Variants in EYS observed in about 807,000 individuals in gnomAD.
EYS encodes the protein protein eyes shut homolog.
In EYS, 250 loss-of-function variants were observed where a neutral mutation model predicts 282.1. The ratio of observed to expected loss-of-function variants is 0.89; its 90% CI spans 0.80 to 0.98. The LOEUF is 0.98. Ranked by LOEUF, EYS falls within the 50% of genes least tolerant of loss-of-function variation. The probability of loss-of-function intolerance (pLI) is 0.00; values close to 1 mark genes in which losing one functional copy is unlikely to be tolerated. For missense variants in EYS, 4,016 were observed against 3,709.0 expected, an observed-to-expected ratio of 1.08 and a Z score of -2.15; for synonymous variants, 1,355 against 1,282.9, an observed-to-expected ratio of 1.06 and a Z score of -1.20.
At chr6:64,239,785 T>A (rs892740747) in intron 30 of EYS, among the ~76,000 whole-genome samples, 12 of 152,314 alleles carry the variant, frequency 7.9e-5, no homozygotes, top group Non-Finnish European at 1.2e-4. Context: ...TATTTTAGCT[T>A]TTGTTGCTGT....
chr6:65,016,504 T>C (rs1163151360), intron 13 of EYS, among the ~76,000 whole-genome samples: 1 of 152,124 alleles, frequency 6.6e-6, no homozygotes, highest in Non-Finnish European at 1.5e-5. Flanking sequence ...ATAACAAAAA[T>C]TCAGATATTT....
intron 2 of EYS, among the ~76,000 whole-genome samples, chr6:65,562,960 C>CT (rs1177646651): frequency 6.6e-5 from 10 of 151,998 alleles, no homozygotes; most frequent in African/African-American, 2.2e-4. Flanking sequence ...TAAAATGGTA[C>CT]TTTTTTTGCC....
chr6:64,289,431 C>T (rs907369576), intron 30 of EYS, among the ~76,000 whole-genome samples: 4 of 152,012 alleles, frequency 2.6e-5, no homozygotes, highest in African/African-American at 2.4e-5. Context: ...TCAATGGATA[C>T]GATATTCATT....
intron 8 of EYS, among the ~76,000 whole-genome samples, chr6:65,380,240 C>T (rs1039926086): frequency 3.3e-5 from 5 of 152,012 alleles, no homozygotes; most frequent in East Asian, 1.9e-4. Flanking sequence ...TACACAGTAA[C>T]CAAAACAGCA....
intron 12 of EYS, among the ~76,000 whole-genome samples, chr6:65,279,951 A>G (rs1455812069): frequency 6.6e-6 from 1 of 152,220 alleles, no homozygotes; most frequent in African/African-American, 2.4e-5. Flanking sequence ...TCTCTGAATA[A>G]TGAATACCTC....
chr6:63,935,783 C>T (rs1765040922), intron 35 of EYS, among the ~76,000 whole-genome samples: 1 of 152,214 alleles, frequency 6.6e-6, no homozygotes, highest in African/African-American at 2.4e-5. Flanking sequence ...ACTTTTGCAA[C>T]AGTACTCTGT....
At chr6:64,635,199 CCTATCAG>C (rs1767931367) in intron 22 of EYS, among the ~76,000 whole-genome samples, 1 of 152,140 alleles carries the variant, frequency 6.6e-6, no homozygotes, top group South Asian at 2.1e-4. Context: ...GCTGAAGTTG[CCTATCAG>C]CTTGAGGAGA....
At chr6:63,761,759 A>G (rs540400370) in intron 41 of EYS, among the ~76,000 whole-genome samples, 10 of 151,976 alleles carry the variant, frequency 6.6e-5, no homozygotes, top group Non-Finnish European at 1.3e-4. Flanking sequence ...TCAGGAAGCT[A>G]GGATATGGCA....
At chr6:64,686,860 T>TACACACAC (rs1770154142) in intron 22 of EYS, among the ~76,000 whole-genome samples, 1 of 25,974 alleles carries the variant, frequency 3.9e-5, no homozygotes, top group African/African-American at 1.0e-4. Context: ...TATATGTGTA[T>TACACACAC]ATATATACGT....
rs1042798100 is a variant in EYS, at chr6:64,284,683, T to G, written c.6191+22287A>C. Among the ~76,000 whole-genome samples the G allele has an allele frequency of 2.0e-5, 3 of 152,184 alleles. No homozygotes were observed. The East Asian group carries it at 5.8e-4, about 29-fold the overall frequency. On this transcript the variant is annotated intron_variant, in intron 30 of 42. Coordinates refer to ENST00000503581, the MANE Select transcript of EYS (RefSeq NM_001142800.2). ...ACTTCTGCCTGGGCATCCAGGCATT[T>G]CCATACATCTTCTGAAATCTAGGCA...
chr6:64,025,551 T>A (rs1769456165), intron 33 of EYS, among the ~76,000 whole-genome samples: 1 of 152,192 alleles, frequency 6.6e-6, no homozygotes, highest in African/African-American at 2.4e-5. Flanking sequence ...CCTATGAGAA[T>A]GATTTCTAGT....
intron 31 of EYS, among the ~76,000 whole-genome samples, chr6:64,097,432 C>T (rs1254457564): frequency 4.6e-5 from 7 of 152,160 alleles, no homozygotes; most frequent in African/African-American, 1.7e-4. Flanking sequence ...CTTTATTTAC[C>T]TACTCAAGCC....
At chr6:65,519,686 CTATATATA>C (rs1158150622) in intron 2 of EYS, among the ~76,000 whole-genome samples, 16 of 39,752 alleles carry the variant, frequency 4.0e-4, no homozygotes, top group South Asian at 1.5e-3. Context: ...ACTATAATAA[CTATATATA>C]TATATATATA....
chr6:65,089,321 A>G (rs1376276271), intron 12 of EYS, among the ~76,000 whole-genome samples: 2 of 152,162 alleles, frequency 1.3e-5, no homozygotes, highest in African/African-American at 4.8e-5. Context: ...TGTGCCTGCA[A>G]AGCCACAGAA....
chr6:65,626,956 A>T (rs1766718954), intron 2 of EYS, among the ~76,000 whole-genome samples: 1 of 147,654 alleles, frequency 6.8e-6, no homozygotes, highest in African/African-American at 2.5e-5. Flanking sequence ...AATATATTTC[A>T]GGTTTTCTTT....
intron 12 of EYS, among the ~76,000 whole-genome samples, chr6:65,292,852 A>C (rs1768564455): frequency 6.6e-6 from 1 of 151,778 alleles, no homozygotes; most frequent in Admixed American, 6.6e-5. Flanking sequence ...ACTTAGACCT[A>C]AAAATAGAAT....
At chr6:65,556,387 T>TGTGTGTG (rs1768799965) in intron 2 of EYS, among the ~76,000 whole-genome samples, 1 of 148,820 alleles carries the variant, frequency 6.7e-6, no homozygotes, top group African/African-American at 2.5e-5. Flanking sequence ...ACTGCTGGGT[T>TGTGTGTG]TGTGTGTGTG....
chr6:64,036,262 G>T (rs1446627991), intron 33 of EYS, among the ~76,000 whole-genome samples: 3 of 152,176 alleles, frequency 2.0e-5, no homozygotes, highest in East Asian at 3.9e-4. Flanking sequence ...ACTGTTAAGG[G>T]TGATGGAGTT....
intron 5 of EYS, among the ~76,000 whole-genome samples, chr6:65,406,977 T>C (rs1409484820): frequency 6.6e-6 from 1 of 152,110 alleles, no homozygotes; most frequent in Non-Finnish European, 1.5e-5. Flanking sequence ...AATTTTTCTA[T>C]GAGCTTGTCA....
Sources: gnomAD v4.1 joint callset for allele counts (sites outside exome capture counted in the v4.1 genomes callset) on GRCh38, gnomAD v4.1.1 for gene constraint, MANE v1.5 for transcripts, NCBI Gene and HGNC (gene_info 2026-07-23, HGNC 2026-07-21) for gene names.